Variants in ZNF160 observed in about 807,000 individuals in gnomAD.
The protein encoded by ZNF160 is KRAB zinc finger protein KR18.
A neutral mutation model predicts 13.1 loss-of-function variants in ZNF160; 9 were observed. The observed-to-expected ratio is 0.69, with a 90% confidence interval of 0.41 to 1.20. The LOEUF is 1.20. Ranked by LOEUF, ZNF160 falls within the 50% of genes most tolerant of loss-of-function variation. The probability of loss-of-function intolerance (pLI) is 0.01; values close to 1 mark genes in which losing one functional copy is unlikely to be tolerated. For synonymous variants in ZNF160, 293 were observed against 333.2 expected, an observed-to-expected ratio of 0.88 and a Z score of 1.31; for missense variants, 838 against 988.0, an observed-to-expected ratio of 0.85 and a Z score of 2.04.
In ZNF160 at chr19:53,068,435, G is replaced by T; in HGVS notation, c.2099C>A (p.Thr700Asn). The change falls in exon 6 of 6, where the codon ACC becomes AAC. Residue 700 changes from threonine (T) to asparagine (N), a missense_variant. By Grantham distance (65) the Thr-to-Asn change is moderately conservative. This residue lies in a region of ZNF160 where 400 missense variants were observed against 538.9 expected (regional missense o/e 0.74). Coordinates refer to ENST00000683776, the MANE Select transcript of ZNF160 (RefSeq NM_001322131.2). ...ATTGCATCGGTAAGGTTTCTCTCCG[G>T]TGTGAGTCCTTTGATGATTTGCAAG... ...SHLANHQRTH[T>N]GEKPYRCNEC... The T allele has an allele frequency of 6.2e-7, 1 of 1,613,980 alleles. No individual in the cohort carries two copies. Among genetic ancestry groups the T allele is most frequent in the Non-Finnish European group, 8.5e-7 (1 of 1,179,960 alleles).
intron 4 of ZNF160, among the ~76,000 whole-genome samples, chr19:53,074,539 G>A (rs940513537): frequency 2.6e-5 from 4 of 151,806 alleles, no homozygotes; most frequent in African/African-American, 7.3e-5. Context: ...GTGTGGTGGC[G>A]GGCGCCTGTG....
Position 53,074,235 on chromosome 19 carries a change from A to G in ZNF160, c.176T>C (p.Met59Thr). 6.2e-7 allele frequency: 1 copy of G among 1,614,022 alleles called. No individual in the cohort carries two copies. Among genetic ancestry groups the G allele is most frequent in the Non-Finnish European group, 8.5e-7 (1 of 1,179,964 alleles). ...CCAGGGCTCTTTCCCTTCCTCCAAC[A>G]TGGAGATAATATTCATATCAAAATG... ...LCHFDMNIISMLEEGKEPWTV... is the reference protein window; with the variant it reads ...LCHFDMNIISTLEEGKEPWTV... The change falls in exon 5 of 6, where the codon ATG becomes ACG. Residue 59 changes from methionine to threonine, a missense_variant. By Grantham distance (81) the Met-to-Thr change is moderately conservative. Around this residue, in one of 3 missense-constraint regions of ZNF160, gnomAD observed 387 missense variants for 402.3 expected, o/e 0.96. Transcript: ENST00000683776.
Position 53,068,487 on chromosome 19 carries a change from C to A in ZNF160, c.2047G>T (p.Gly683Cys). The A allele has an allele frequency of 6.2e-7, 1 of 1,613,616 alleles. No individual in the cohort carries two copies. Among genetic ancestry groups the A allele is most frequent in the South Asian group, 1.1e-5 (1 of 91,034 alleles). The change falls in exon 6 of 6, where the codon GGC becomes TGC. Residue 683 changes from glycine to cysteine, a missense_variant. Physicochemically the swap from Gly to Cys is radical, Grantham distance 159 (BLOSUM62 -3). This residue lies in a region of ZNF160 where 400 missense variants were observed against 538.9 expected (regional missense o/e 0.74). Transcript: ENST00000683776. ...TGTGAGTTCTGAGTGAAGACCTTGCCACATTGATTACATTTGTAAGGCTTC... is the reference window on the plus strand; with the variant it reads ...TGTGAGTTCTGAGTGAAGACCTTGCAACATTGATTACATTTGTAAGGCTTC... ...GEKPYKCNQC[G>C]KVFTQNSHLA...
chr19:53,098,640 C>A (rs73935236), intron 1 of ZNF160, among the ~76,000 whole-genome samples: 8,978 of 133,610 alleles, frequency 0.067, 30 homozygotes, highest in Middle Eastern at 0.14. Flanking sequence ...TGCAAAATTC[C>A]CCCGCTGTTT....
At chr19:53,098,082 T>C (rs2085302897) in intron 1 of ZNF160, among the ~76,000 whole-genome samples, 2 of 152,214 alleles carry the variant, frequency 1.3e-5, no homozygotes, top group African/African-American at 2.4e-5. Flanking sequence ...CAGCATCTGT[T>C]TCCCAGGTAA....
intron 1 of ZNF160, among the ~76,000 whole-genome samples, chr19:53,092,443 C>G (rs926419239): frequency 2.3e-4 from 35 of 152,172 alleles, no homozygotes; most frequent in South Asian, 6.2e-4. Context: ...CCCAAGTAAC[C>G]GGGATTACAG....
intron 4 of ZNF160, among the ~76,000 whole-genome samples, chr19:53,074,602 A>G (rs1206046270): frequency 6.6e-6 from 1 of 151,108 alleles, no homozygotes; most frequent in African/African-American, 2.4e-5. Flanking sequence ...CCTGGGAGGC[A>G]GAGCTTGCAG....
At chr19:53,079,281 T>TTG (rs1468012836) in intron 3 of ZNF160, among the ~76,000 whole-genome samples, 4 of 152,130 alleles carry the variant, frequency 2.6e-5, no homozygotes, top group African/African-American at 9.7e-5. Flanking sequence ...TCGGGCACGG[T>TTG]GGCTCACGCC....
At chr19:53,086,086 T>C in intron 3 of ZNF160, 176 bp downstream of exon 3, 1 of 1,359,758 alleles carries the variant, frequency 7.4e-7, no homozygotes. Context: ...CAAGTTCATG[T>C]CACTGGATCA....
In ZNF160 at chr19:53,095,226, T is replaced by C. The variant is rs1600911902; in HGVS notation, c.-353-3506A>G. The C allele has an allele frequency of 2.3e-5, 3 of 131,850 alleles. No individual in the cohort carries two copies. In the East Asian group the frequency reaches 7.2e-4, roughly 32 times the overall value. 8.2% of individuals were successfully genotyped at this position (131,850 alleles called of 1,614,324 possible). A position where few individuals can be genotyped will look rare whatever the true frequency, so the allele number is the denominator to read the frequency against. ...GTTCCACCCTCCCACACGACCCTCT[T>C]GCACCCCTTTCCCATTGCCCAGACC... On this transcript the variant is annotated intron_variant, in intron 1 of 5. Coordinates refer to ENST00000683776, the MANE Select transcript of ZNF160 (RefSeq NM_001322131.2).
intron 1 of ZNF160, chr19:53,095,658 T>C (rs1414572524): frequency 1.3e-5 from 2 of 152,162 alleles, no homozygotes; most frequent in African/African-American, 4.8e-5. Flanking sequence ...GTCTAGTCTT[T>C]GCTTTGCATA....
At chr19:53,072,046 C>T (rs1179532540) in intron 5 of ZNF160, among the ~76,000 whole-genome samples, 4 of 151,500 alleles carry the variant, frequency 2.6e-5, no homozygotes, top group Admixed American at 2.6e-4. Context: ...TATATCCACA[C>T]AGAGCAGATA....
rs1194410773 is a variant in ZNF160 at position 53,091,464 on chromosome 19, T to G, written c.-97A>C. The G allele has an allele frequency of 1.3e-5, 2 of 152,052 alleles. No individual in the cohort carries two copies. The highest frequency in any genetic ancestry group is 1.3e-4 in the Admixed American group (2 of 15,262). 9.4% of individuals were successfully genotyped at this position (152,052 alleles called of 1,614,324 possible). ...AGCTTCCAGTGGCTGCAAGAAGAGC[T>G]GGGTCCCCTGTAGGCGGGGCCCGGG... On this transcript the variant is annotated 5_prime_UTR_variant, in exon 2 of 6. Transcript: ENST00000683776.
At chr19:53,079,061 A>C (rs1358322440) in intron 3 of ZNF160, among the ~76,000 whole-genome samples, 1 of 152,188 alleles carries the variant, frequency 6.6e-6, no homozygotes, top group African/African-American at 2.4e-5. Flanking sequence ...AAATACTAGG[A>C]AACCAAATTG....
chr19:53,096,494 C>T (rs551941717), intron 1 of ZNF160, among the ~76,000 whole-genome samples: 50 of 150,344 alleles, frequency 3.3e-4, no homozygotes, highest in African/African-American at 1.2e-3. Context: ...AGCAGACCCA[C>T]GTGGCCAATA....
intron 1 of ZNF160, among the ~76,000 whole-genome samples, chr19:53,099,579 A>G (rs1180270364): frequency 1.1e-4 from 17 of 151,528 alleles, no homozygotes; most frequent in Non-Finnish European, 1.5e-5. Context: ...GCCTCCAAAG[A>G]TGGTCTCTCT....
rs2083994461 is a variant in ZNF160, at chr19:53,067,147, T to C, written c.*930A>G. Reference sequence around the variant, plus strand: ...TTTGCTAAACAACAGGTATTGCTCTTTGATGCATAAGAGGGCGACCTTTTC... The same window carrying C: ...TTTGCTAAACAACAGGTATTGCTCTCTGATGCATAAGAGGGCGACCTTTTC... On this transcript the variant is annotated 3_prime_UTR_variant, in exon 6 of 6. Coordinates refer to ENST00000683776, the MANE Select transcript of ZNF160 (RefSeq NM_001322131.2). 6.6e-6 allele frequency: 1 copy of C among 152,200 alleles called. No individual in the cohort carries two copies. Among genetic ancestry groups the C allele is most frequent in the African/African-American group, 2.4e-5 (1 of 41,442 alleles). 9.4% of individuals were successfully genotyped at this position (152,200 alleles called of 1,614,324 possible). A position where few individuals can be genotyped will look rare whatever the true frequency, so the allele number is the denominator to read the frequency against.
Position 53,073,202 on chromosome 19 carries a change from A to G in ZNF160, c.271+938T>C, listed in dbSNP as rs1228563267. On this transcript the variant is annotated intron_variant, in intron 5 of 5. Coordinates refer to ENST00000683776, the MANE Select transcript of ZNF160 (RefSeq NM_001322131.2). ...TTAGTTTTATTGGTTTAGATTCCAA[A>G]TGTAAGTGACAACATGCAGTACTTG... 3 of 1,423,856 alleles carry G rather than the reference A, an allele frequency of 2.1e-6. No individual in the cohort carries two copies. In the Admixed American group the frequency reaches 8.9e-5, roughly 42 times the overall value. 88.2% of individuals were successfully genotyped at this position (1,423,856 alleles called of 1,614,324 possible).
At chr19:53,099,531 C>A (rs2085368325) in intron 1 of ZNF160, among the ~76,000 whole-genome samples, 1 of 152,182 alleles carries the variant, frequency 6.6e-6, no homozygotes, top group African/African-American at 2.4e-5. Context: ...ACTGACATGA[C>A]TGCTTTAGAT....
Sources: gnomAD v4.1 joint callset for allele counts (sites outside exome capture counted in the v4.1 genomes callset) on GRCh38, gnomAD v4.1.1 for gene constraint, gnomAD v4.1.1 regional missense constraint, MANE v1.5 for transcripts, NCBI Gene and HGNC (gene_info 2026-07-23, HGNC 2026-07-21) for gene names.